The following MYO1D variants were observed in gnomAD, a reference collection of about 807,000 sequenced individuals.
MYO1D encodes unconventional myosin-Id.
Under a neutral mutation model 122.0 loss-of-function variants are expected in MYO1D, and 83 were observed. The observed-to-expected ratio is 0.68, with a 90% CI of 0.57 to 0.82. The LOEUF is 0.82. Ranked by LOEUF, MYO1D falls within the 40% of genes least tolerant of loss-of-function variation. The pLI is 0.00. For synonymous variants in MYO1D, 464 were observed against 446.9 expected (o/e 1.04, Z -0.48); for missense variants, 1,157 against 1,269.5 (o/e 0.91, Z 1.35).
chr17:32,777,717 G>A (rs570378669), intron 3 of MYO1D, among the ~76,000 whole-genome samples: 15 of 151,722 alleles, frequency 9.9e-5, no homozygotes, highest in South Asian at 2.1e-4. Context: ...AGACCGAGGC[G>A]GACGGGTCAC....
At chr17:32,709,402 C>T (rs2089347896) in intron 16 of MYO1D, among the ~76,000 whole-genome samples, 1 of 151,908 alleles carries the variant, frequency 6.6e-6, no homozygotes, top group Non-Finnish European at 1.5e-5. Context: ...ACCAAAAAAA[C>T]CCTAAAAACA....
chr17:32,658,762 T>C (rs1251403212), intron 17 of MYO1D: 2 of 262,500 alleles, frequency 7.6e-6, no homozygotes, highest in Non-Finnish European at 1.5e-5. Flanking sequence ...AACCACTGCT[T>C]TGAAAGGATT....
At chr17:32,596,049 T>A (rs568185630) in intron 21 of MYO1D, among the ~76,000 whole-genome samples, 2 of 152,196 alleles carry the variant, frequency 1.3e-5, no homozygotes, top group Non-Finnish European at 2.9e-5. Flanking sequence ...GTATCTCTAT[T>A]GGAAGGCAGA....
chr17:32,751,371 T>C (rs893482040), intron 11 of MYO1D, among the ~76,000 whole-genome samples: 1 of 152,190 alleles, frequency 6.6e-6, no homozygotes, highest in African/African-American at 2.4e-5. Context: ...GATAGTTTGA[T>C]CATTTCTTTT....
intron 20 of MYO1D, among the ~76,000 whole-genome samples, chr17:32,627,292 A>G (rs2087940956): frequency 6.6e-6 from 1 of 152,202 alleles, no homozygotes; most frequent in East Asian, 1.9e-4. Context: ...GCTAGCGCAC[A>G]CCAGCACAGG....
At chr17:32,595,205 G>A (rs1027978725) in intron 21 of MYO1D, among the ~76,000 whole-genome samples, 2 of 152,128 alleles carry the variant, frequency 1.3e-5, no homozygotes, top group African/African-American at 2.4e-5. Context: ...TAGAGAGGAG[G>A]AATGAGTTCT....
chr17:32,563,748 G>GTT (rs2150891821), intron 21 of MYO1D, among the ~76,000 whole-genome samples: 1 of 152,336 alleles, frequency 6.6e-6, no homozygotes, highest in East Asian at 1.9e-4. Flanking sequence ...AGAAGGAGCT[G>GTT]AACAGTCGCG....
chr17:32,866,016 T>C (rs925059945), intron 1 of MYO1D, among the ~76,000 whole-genome samples: 1 of 152,266 alleles, frequency 6.6e-6, no homozygotes, highest in Non-Finnish European at 1.5e-5. Context: ...GTCTCTCTTT[T>C]TATTTTTCAT....
chr17:32,596,622 G>A (rs952019060), intron 21 of MYO1D, among the ~76,000 whole-genome samples: 1 of 152,194 alleles, frequency 6.6e-6, no homozygotes, highest in African/African-American at 2.4e-5. Flanking sequence ...CAGTAACAGT[G>A]CTCCTTTAAT....
intron 11 of MYO1D, among the ~76,000 whole-genome samples, chr17:32,754,834 C>T (rs1364441294): frequency 7.1e-6 from 1 of 140,788 alleles, no homozygotes; most frequent in East Asian, 1.9e-4. Context: ...ATATTCCATG[C>T]AAATGGAATA....
At chr17:32,565,096 C>G (rs1035757411) in intron 21 of MYO1D, among the ~76,000 whole-genome samples, 2 of 152,170 alleles carry the variant, frequency 1.3e-5, no homozygotes, top group Non-Finnish European at 2.9e-5. Context: ...CTCTGCCTCC[C>G]AGGTTCAAGC....
chr17:32,876,197 T>G (rs1312769009), intron 1 of MYO1D, among the ~76,000 whole-genome samples: 1 of 151,344 alleles, frequency 6.6e-6, no homozygotes, highest in African/African-American at 2.4e-5. Flanking sequence ...ACTAAAAAAA[T>G]AGCCAGTGTC....
At chr17:32,683,233 C>T (rs1046232747) in intron 16 of MYO1D, among the ~76,000 whole-genome samples, 2 of 151,684 alleles carry the variant, frequency 1.3e-5, no homozygotes, top group African/African-American at 4.9e-5. Context: ...TCGTCTGAAG[C>T]CTTCTTCTCT....
chr17:32,563,016 G>A (rs1452634736), intron 21 of MYO1D, among the ~76,000 whole-genome samples: 1 of 152,002 alleles, frequency 6.6e-6, no homozygotes, highest in Admixed American at 6.5e-5. Context: ...GAACCTTACT[G>A]CATTCTCGTG....
intron 21 of MYO1D, among the ~76,000 whole-genome samples, chr17:32,576,544 G>T (rs2087280132): frequency 6.6e-6 from 1 of 152,180 alleles, no homozygotes; most frequent in African/African-American, 2.4e-5. Context: ...TCATATGATG[G>T]TAGTCCATGT....
At chr17:32,571,498 G>C (rs1362808980) in intron 21 of MYO1D, among the ~76,000 whole-genome samples, 2 of 152,078 alleles carry the variant, frequency 1.3e-5, no homozygotes, top group Admixed American at 6.6e-5. Context: ...AATTCTGGTG[G>C]GGTCGCGTTG....
At chr17:32,500,075 A>T (rs1567867600) in intron 21 of MYO1D, among the ~76,000 whole-genome samples, 1 of 152,198 alleles carries the variant, frequency 6.6e-6, no homozygotes, top group Non-Finnish European at 1.5e-5. Context: ...CCTGGCGGGG[A>T]GGGGAGGCGT....
chr17:32,696,329 C>G (rs1325146562), intron 16 of MYO1D, among the ~76,000 whole-genome samples: 1 of 151,826 alleles, frequency 6.6e-6, no homozygotes, highest in Non-Finnish European at 1.5e-5. Flanking sequence ...GCCATTAGTA[C>G]ACTTATGGAC....
At chr17:32,630,610 T>C (rs924551989) in intron 20 of MYO1D, among the ~76,000 whole-genome samples, 1 of 152,074 alleles carries the variant, frequency 6.6e-6, no homozygotes, top group African/African-American at 2.4e-5. Flanking sequence ...TCTCGCTCTG[T>C]TGCCCAGGCT....
Sources: allele counts gnomAD v4.1 joint callset (sites outside exome capture counted in the v4.1 genomes callset), GRCh38; gene constraint gnomAD v4.1.1; transcripts MANE v1.5; gene names NCBI Gene and HGNC (gene_info 2026-07-23, HGNC 2026-07-21).